COL5A2: variants seen among roughly 807,000 people sequenced by gnomAD.
COL5A2 encodes the protein collagen type V alpha 2 chain.
COL5A2 carries 23 observed loss-of-function variants against 208.2 expected under a neutral mutation model. The observed-to-expected ratio is 0.11, with a 90% confidence interval of 0.08 to 0.16. The LOEUF (loss-of-function observed/expected upper bound fraction) is 0.16. Ranked by LOEUF, COL5A2 falls within the 10% of genes least tolerant of loss-of-function variation. The pLI is 1.00. For synonymous variants in COL5A2, 625 were observed against 628.5 expected, an observed-to-expected ratio of 0.99 and a Z score of 0.08; for missense variants, 1,590 against 1,956.4, an observed-to-expected ratio of 0.81 and a Z score of 3.53.
chr2:189,272,058 T>C, the COL5A2 span, among the ~76,000 whole-genome samples: 1 of 152,186 alleles, frequency 6.6e-6, no homozygotes, highest in Admixed American at 6.5e-5. Flanking sequence ...TTTACACTGT[T>C]GGTGGGAGTG....
chr2:189,340,628 A>C, the COL5A2 span, among the ~76,000 whole-genome samples: 94 of 152,206 alleles, frequency 6.2e-4, no homozygotes, highest in Non-Finnish European at 1.0e-3. Context: ...TTTAGTACTC[A>C]AAATCTCACA....
intron 3 of COL5A2, among the ~76,000 whole-genome samples, chr2:189,103,307 T>A (rs1300055881): frequency 2.0e-5 from 3 of 152,124 alleles, no homozygotes; most frequent in Non-Finnish European, 4.4e-5. Flanking sequence ...GACAAATTTA[T>A]GATATTGCCC....
upstream of COL5A2, among the ~76,000 whole-genome samples, chr2:189,227,871 C>A (rs1689439050): frequency 6.6e-6 from 1 of 151,906 alleles, no homozygotes; most frequent in African/African-American, 2.4e-5. Context: ...GTATACAGGA[C>A]ATTTCAAGCA....
At chr2:189,372,676 T>C in the COL5A2 span, among the ~76,000 whole-genome samples, 4 of 152,152 alleles carry the variant, frequency 2.6e-5, no homozygotes, top group African/African-American at 9.7e-5. Context: ...TAAGCCCTTA[T>C]GTATTGTTTA....
the COL5A2 span, among the ~76,000 whole-genome samples, chr2:189,372,765 A>C: frequency 6.6e-6 from 1 of 152,200 alleles, no homozygotes; most frequent in Non-Finnish European, 1.5e-5. Context: ...AGTCATTATA[A>C]AGTGGAATAT....
At chr2:189,332,664 G>A in the COL5A2 span, among the ~76,000 whole-genome samples, 3 of 152,152 alleles carry the variant, frequency 2.0e-5, no homozygotes, top group African/African-American at 7.2e-5. Context: ...CTTGCCTTCT[G>A]CCATGATGAT....
chr2:189,151,193 T>C lies in COL5A2; in HGVS notation c.97+28315A>G, dbSNP rs969054599. On this transcript the variant is annotated intron_variant, in intron 1 of 53. Coordinates refer to ENST00000374866, the MANE Select transcript of COL5A2 (RefSeq NM_000393.5). ...TAACCCCCAGCATCTTACTCTTACATTCTTTGAAATGAACTCATGCCCTTC... is the reference window on the plus strand; with the variant it reads ...TAACCCCCAGCATCTTACTCTTACACTCTTTGAAATGAACTCATGCCCTTC... Among the ~76,000 whole-genome samples the C allele has an allele frequency of 5.9e-5, 9 of 152,140 alleles. No individual in the cohort carries two copies. The South Asian group carries it at 6.2e-4, about 11-fold the overall frequency.
intron 1 of COL5A2, among the ~76,000 whole-genome samples, chr2:189,152,547 G>A (rs567165482): frequency 6.6e-6 from 1 of 152,324 alleles, no homozygotes; most frequent in East Asian, 1.9e-4. Flanking sequence ...GTGTCCAGGT[G>A]TGGAATGAGC....
chr2:189,140,052 G>C (rs116416752), intron 1 of COL5A2, among the ~76,000 whole-genome samples: 16 of 151,826 alleles, frequency 1.1e-4, no homozygotes, highest in African/African-American at 3.9e-4. Flanking sequence ...CAGTCTGGGC[G>C]ACACAGAGAG....
the COL5A2 span, among the ~76,000 whole-genome samples, chr2:189,367,963 T>A: frequency 6.6e-6 from 1 of 152,218 alleles, no homozygotes; most frequent in Non-Finnish European, 1.5e-5. Context: ...GGATTTTAGC[T>A]TTTAAGTCAA....
chr2:189,278,385 G>T, the COL5A2 span, among the ~76,000 whole-genome samples: 2 of 151,986 alleles, frequency 1.3e-5, no homozygotes, highest in Non-Finnish European at 2.9e-5. Flanking sequence ...TTACCTTCTT[G>T]CCTGGTTAAT....
chr2:189,192,207 C>T (rs908200861), intron 1 of COL5A2, among the ~76,000 whole-genome samples: 10 of 152,026 alleles, frequency 6.6e-5, no homozygotes, highest in African/African-American at 2.4e-4. Flanking sequence ...TTAAAGACAA[C>T]ATATAGTTCT....
At chr2:189,051,901 C>T (rs1381091747) in intron 41 of COL5A2, among the ~76,000 whole-genome samples, 1 of 151,806 alleles carries the variant, frequency 6.6e-6, no homozygotes, top group African/African-American at 2.4e-5. Flanking sequence ...TGATTATTAG[C>T]ACATAATACT....
intron 1 of COL5A2, among the ~76,000 whole-genome samples, chr2:189,159,211 G>A (rs1688312125): frequency 6.6e-6 from 1 of 152,084 alleles, no homozygotes; most frequent in Non-Finnish European, 1.5e-5. Flanking sequence ...GAAAATATTT[G>A]GTTCAGATGT....
At chr2:189,421,788 A>T in the COL5A2 span, among the ~76,000 whole-genome samples, 4 of 152,066 alleles carry the variant, frequency 2.6e-5, no homozygotes, top group African/African-American at 9.7e-5. Flanking sequence ...GGCAGACAGG[A>T]GGCAGACCTC....
intron 38 of COL5A2, 135 bp downstream of exon 38, chr2:189,053,289 A>T: frequency 1.2e-6 from 1 of 838,018 alleles, no homozygotes; most frequent in Non-Finnish European, 1.9e-6. Context: ...AAAAAAATGT[A>T]TTGAAAATGA....
intron 1 of COL5A2, among the ~76,000 whole-genome samples, chr2:189,138,190 G>A (rs887207459): frequency 1.3e-5 from 2 of 152,126 alleles, no homozygotes; most frequent in African/African-American, 4.8e-5. Flanking sequence ...TGGCCAGGCT[G>A]ATCTCGAACT....
intron 1 of COL5A2, among the ~76,000 whole-genome samples, chr2:189,187,105 G>T (rs992186100): frequency 2.0e-5 from 3 of 152,112 alleles, no homozygotes; most frequent in Non-Finnish European, 4.4e-5. Context: ...TAATATGAGA[G>T]CTTGGCTTGT....
the COL5A2 span, among the ~76,000 whole-genome samples, chr2:189,307,689 C>T: frequency 6.6e-6 from 1 of 152,112 alleles, no homozygotes; most frequent in Non-Finnish European, 1.5e-5. Context: ...GTTAAGGGAA[C>T]AGATTGATAA....
Sources: allele counts gnomAD v4.1 joint callset (sites outside exome capture counted in the v4.1 genomes callset), GRCh38; gene constraint gnomAD v4.1.1; transcripts MANE v1.5; gene names NCBI Gene and HGNC (gene_info 2026-07-23, HGNC 2026-07-21).